Variants in ERBB4 observed in about 807,000 individuals in gnomAD.
ERBB4 encodes receptor tyrosine-protein kinase erbB-4.
ERBB4 carries 42 observed loss-of-function variants against 158.0 expected under a neutral mutation model. That is an observed-to-expected ratio of 0.27 (90% CI 0.21 to 0.34). ERBB4 has a LOEUF of 0.34. Ranked by LOEUF, ERBB4 falls within the 10% of genes least tolerant of loss-of-function variation. ERBB4 has a pLI of 1.00. For synonymous variants in ERBB4, 583 were observed against 558.7 expected (o/e 1.04, Z -0.61); for missense variants, 1,333 against 1,624.1 (o/e 0.82, Z 3.08).
At chr2:212,117,712 A>T (rs1445036441) in intron 2 of ERBB4, among the ~76,000 whole-genome samples, 1 of 152,130 alleles carries the variant, frequency 6.6e-6, no homozygotes, top group Non-Finnish European at 1.5e-5. Context: ...GGGAAATATG[A>T]GATTGTAATT....
At chr2:211,692,145 T>A (rs1188999598) in intron 12 of ERBB4, among the ~76,000 whole-genome samples, 1 of 152,192 alleles carries the variant, frequency 6.6e-6, no homozygotes, top group African/African-American at 2.4e-5. Flanking sequence ...TCTGTGTTCA[T>A]AAACTCTGTG....
At chr2:211,701,927 T>C in intron 12 of ERBB4, 40 bp downstream of exon 12, 1 of 1,483,114 alleles carries the variant, frequency 6.7e-7, no homozygotes, top group Non-Finnish European at 9.4e-7. Context: ...GGGAAAAAAT[T>C]TAAGTTTCTA....
chr2:211,561,690 A>G (rs1574753518), intron 20 of ERBB4: 1 of 557,646 alleles, frequency 1.8e-6, no homozygotes, highest in Non-Finnish European at 3.2e-6. Context: ...CAATTCAATA[A>G]AAATGATACA....
chr2:211,757,053 G>C (rs2075302291), intron 4 of ERBB4, among the ~76,000 whole-genome samples: 1 of 152,150 alleles, frequency 6.6e-6, no homozygotes, highest in African/African-American at 2.4e-5. Flanking sequence ...TTGAGCAAAT[G>C]CTACATCAGT....
chr2:211,771,916 G>A (rs778351293), intron 4 of ERBB4, among the ~76,000 whole-genome samples: 15 of 152,026 alleles, frequency 9.9e-5, no homozygotes, highest in Non-Finnish European at 2.2e-4. Context: ...GGTGTACAAG[G>A]CCAACTACTA....
At chr2:211,456,948 T>A (rs2064397876) in intron 20 of ERBB4, among the ~76,000 whole-genome samples, 1 of 152,196 alleles carries the variant, frequency 6.6e-6, no homozygotes, top group Non-Finnish European at 1.5e-5. Flanking sequence ...CCTGCTTTAG[T>A]CTATATGTGA....
chr2:212,370,891 T>C (rs1439447374), intron 1 of ERBB4, among the ~76,000 whole-genome samples: 1 of 152,176 alleles, frequency 6.6e-6, no homozygotes, highest in Non-Finnish European at 1.5e-5. Flanking sequence ...CCTAAAATTT[T>C]ATCTGAATAA....
intron 20 of ERBB4, among the ~76,000 whole-genome samples, chr2:211,526,289 A>G (rs1290499011): frequency 6.6e-6 from 1 of 152,098 alleles, no homozygotes; most frequent in Non-Finnish European, 1.5e-5. Flanking sequence ...TAAGACAAAA[A>G]ACAAGAGTCT....
chr2:212,353,655 GA>G (rs1183195069), intron 1 of ERBB4, among the ~76,000 whole-genome samples: 1 of 19,824 alleles, frequency 5.0e-5, no homozygotes, highest in Non-Finnish European at 1.7e-4. Context: ...GTTGAAAAAA[GA>G]GGAAAGAAAT....
At chr2:212,283,561 T>C (rs2085839152) in intron 1 of ERBB4, among the ~76,000 whole-genome samples, 1 of 151,982 alleles carries the variant, frequency 6.6e-6, no homozygotes, top group Admixed American at 6.6e-5. Flanking sequence ...GTTAAAACAA[T>C]TTTAAACCCT....
intron 2 of ERBB4, among the ~76,000 whole-genome samples, chr2:211,984,037 G>A (rs2081873349): frequency 6.6e-6 from 1 of 152,114 alleles, no homozygotes; most frequent in Non-Finnish European, 1.5e-5. Context: ...TTTGTAGGCT[G>A]GAAAATCTAA....
intron 1 of ERBB4, among the ~76,000 whole-genome samples, chr2:212,150,763 C>T (rs983311555): frequency 6.6e-6 from 1 of 152,176 alleles, no homozygotes; most frequent in Admixed American, 6.5e-5. Flanking sequence ...GAACTGCTTA[C>T]ATTCATGCCT....
Position 211,455,069 on chromosome 2 carries a change from G to A in ERBB4, c.2488-23969C>T, listed in dbSNP as rs555601754. Among the ~76,000 whole-genome samples, 3 of 152,322 alleles carry A rather than the reference G, an allele frequency of 2.0e-5. No individual in the cohort carries two copies. The South Asian group carries it at 6.2e-4, about 32-fold the overall frequency. ...AAGAATGTGCTTTATCTTCAACGGTGCTTCTCTGTCTTTAGTGTCCGTTTT... is the reference window on the plus strand; with the variant it reads ...AAGAATGTGCTTTATCTTCAACGGTACTTCTCTGTCTTTAGTGTCCGTTTT... On this transcript the variant is annotated intron_variant, in intron 20 of 27. Coordinates refer to ENST00000342788, the MANE Select transcript of ERBB4 (RefSeq NM_005235.3).
chr2:211,600,422 A>C (rs911185695), intron 19 of ERBB4, among the ~76,000 whole-genome samples: 3 of 152,186 alleles, frequency 2.0e-5, no homozygotes, highest in African/African-American at 7.2e-5. Context: ...AAAAGCAAAA[A>C]GCCAAGTGCC....
At chr2:211,607,932 C>T (rs960949609) in intron 19 of ERBB4, among the ~76,000 whole-genome samples, 1 of 130,270 alleles carries the variant, frequency 7.7e-6, no homozygotes, top group South Asian at 2.5e-4. Flanking sequence ...TGTAGTGGTG[C>T]GATCTCTGCT....
At chr2:211,701,349 T>G (rs1426867559) in intron 12 of ERBB4, among the ~76,000 whole-genome samples, 1 of 152,162 alleles carries the variant, frequency 6.6e-6, no homozygotes, top group Non-Finnish European at 1.5e-5. Context: ...ATAGGGTCGA[T>G]CTCCACAAAT....
At chr2:211,641,118 G>C (rs1256206118) in intron 16 of ERBB4, among the ~76,000 whole-genome samples, 3 of 151,964 alleles carry the variant, frequency 2.0e-5, no homozygotes, top group Non-Finnish European at 4.4e-5. Context: ...TTTATTAATA[G>C]CTTCACATTT....
chr2:211,977,086 C>T (rs2081629353), intron 2 of ERBB4, among the ~76,000 whole-genome samples: 1 of 152,144 alleles, frequency 6.6e-6, no homozygotes, highest in African/African-American at 2.4e-5. Flanking sequence ...ATATTCCTTA[C>T]AAAACCCAGC....
chr2:211,599,536 T>TGTGTGTGTGTGTGTGTGTGTGTGTG (rs1559336933), intron 19 of ERBB4, among the ~76,000 whole-genome samples: 19 of 150,490 alleles, frequency 1.3e-4, no homozygotes, highest in South Asian at 4.3e-4. Flanking sequence ...TGTGTGTGTG[T>TGTGTGTGTGTGTGTGTGTGTGTGTG]TTCCTGTCAA....
Sources: allele counts gnomAD v4.1 joint callset (sites outside exome capture counted in the v4.1 genomes callset), GRCh38; gene constraint gnomAD v4.1.1; transcripts MANE v1.5; gene names NCBI Gene and HGNC (gene_info 2026-07-23, HGNC 2026-07-21).